Variants in ZBTB1 observed in about 807,000 individuals in gnomAD.
The protein encoded by ZBTB1 is zinc finger and BTB domain-containing protein 1.
In ZBTB1, 13 loss-of-function variants were observed where a neutral mutation model predicts 51.6. That is an observed-to-expected ratio of 0.25 (90% CI 0.16 to 0.40). The LOEUF (loss-of-function observed/expected upper bound fraction) is 0.40, where lower values mean the gene tolerates loss of function less well. ZBTB1 is among the 10% of genes least tolerant of loss of function. The probability of loss-of-function intolerance (pLI) is 1.00; values close to 1 mark genes in which losing one functional copy is unlikely to be tolerated. For missense variants in ZBTB1, 567 were observed against 856.5 expected (o/e 0.66, Z 4.22); for synonymous variants, 240 against 282.2 (o/e 0.85, Z 1.50).
intron 1 of ZBTB1, among the ~76,000 whole-genome samples, chr14:64,515,332 C>A (rs1402168778): frequency 2.0e-5 from 3 of 151,982 alleles, no homozygotes; most frequent in Non-Finnish European, 4.4e-5. Context: ...AGATTTCAGT[C>A]GTAAAAACAA....
intron 1 of ZBTB1, among the ~76,000 whole-genome samples, chr14:64,508,387 T>C (rs2079689151): frequency 6.6e-6 from 1 of 152,050 alleles, no homozygotes; most frequent in Non-Finnish European, 1.5e-5. Context: ...AGTTAGCAGA[T>C]GGAAGGGGAT....
At chr14:64,530,550 T>A (rs1476855633) in intron 2 of ZBTB1, among the ~76,000 whole-genome samples, 3 of 151,740 alleles carry the variant, frequency 2.0e-5, no homozygotes, top group African/African-American at 7.3e-5. Flanking sequence ...GAGGTTGCAC[T>A]GAGCTGATAT....
chr14:64,532,051 C>A, exon 3 of ZBTB1: 2 of 784,294 alleles, frequency 2.6e-6, no homozygotes, highest in Non-Finnish European at 2.0e-6. Flanking sequence ...TGCAAAGATC[C>A]AAGAAAACTC....
intron 1 of ZBTB1, among the ~76,000 whole-genome samples, chr14:64,519,668 C>T (rs1267294717): frequency 6.6e-6 from 1 of 150,590 alleles, no homozygotes; most frequent in Non-Finnish European, 1.5e-5. Flanking sequence ...GTCCCAGCTA[C>T]TCTGGATGCT....
At chr14:64,509,493 G>C (rs916190564) in intron 1 of ZBTB1, among the ~76,000 whole-genome samples, 4 of 152,202 alleles carry the variant, frequency 2.6e-5, no homozygotes, top group Admixed American at 2.6e-4. Context: ...TTTGGGATCG[G>C]GGGAATCTTA....
chr14:64,530,808 G>A (rs1449460432), intron 2 of ZBTB1, among the ~76,000 whole-genome samples: 1 of 152,124 alleles, frequency 6.6e-6, no homozygotes, highest in Non-Finnish European at 1.5e-5. Context: ...CTAAGGGACA[G>A]AAAGCCATTA....
chr14:64,530,993 A>G (rs1329862982), intron 2 of ZBTB1, among the ~76,000 whole-genome samples: 1 of 152,214 alleles, frequency 6.6e-6, no homozygotes, highest in Admixed American at 6.5e-5. Flanking sequence ...ATTTCATATC[A>G]GAGTCAGGGA....
chr14:64,518,904 G>GTATATATATATATA (rs71123855), intron 1 of ZBTB1, among the ~76,000 whole-genome samples: 1,088 of 94,986 alleles, frequency 0.011, 33 homozygotes, highest in East Asian at 0.013. Context: ...TTGCAGAGAG[G>GTATATATATATATA]TATATATATA....
At chr14:64,530,981 T>C (rs2079938038) in intron 2 of ZBTB1, among the ~76,000 whole-genome samples, 1 of 152,198 alleles carries the variant, frequency 6.6e-6, no homozygotes. Flanking sequence ...ATTTAAAAGA[T>C]TATTTCATAT....
chr14:64,529,278 T>C (rs2079926034), downstream of ZBTB1, among the ~76,000 whole-genome samples: 1 of 152,244 alleles, frequency 6.6e-6, no homozygotes, highest in Non-Finnish European at 1.5e-5. Context: ...TCTATGTCTG[T>C]GACCTTTTCT....
Position 64,523,162 on chromosome 14 carries a change from T to G in ZBTB1, c.1658T>G (p.Met553Arg), listed in dbSNP as rs576257403. 1 of 1,614,208 alleles carries G rather than the reference T, an allele frequency of 6.2e-7. No homozygotes were observed. Among genetic ancestry groups the G allele is most frequent in the East Asian group, 2.2e-5 (1 of 44,890 alleles). Residue 553 changes from methionine (M) to arginine (R), a missense_variant, in exon 2 of 2, where the codon ATG becomes AGG. This residue lies in a region of ZBTB1 where 329 missense variants were observed against 406.3 expected (regional missense o/e 0.81). Coordinates refer to ENST00000683701, the MANE Select transcript of ZBTB1 (RefSeq NM_001123329.2). The surrounding 1 kb of genome is among the most constrained non-coding windows in gnomAD (Gnocchi z 4.5). ...FETENLVVEHMSSCLDQDMFK... is the reference protein window; with the variant it reads ...FETENLVVEHRSSCLDQDMFK... ...ACTGAAAATCTAGTGGTTGAACATA[T>G]GTCTAGCTGCTTAGATCAAGATATG...
intron 1 of ZBTB1, among the ~76,000 whole-genome samples, chr14:64,518,942 A>G (rs895685324): frequency 7.3e-6 from 1 of 137,004 alleles, no homozygotes; most frequent in South Asian, 2.4e-4. Flanking sequence ...ATATAGTATG[A>G]TACCATTTAG....
At chr14:64,533,148 T>C (rs886486517) in exon 3 of ZBTB1, 3 of 152,146 alleles carry the variant, frequency 2.0e-5, no homozygotes, top group African/African-American at 7.2e-5. Context: ...ATATTCATTC[T>C]AATAATTAGA....
At chr14:64,512,677 C>G (rs2079737580) in intron 1 of ZBTB1, among the ~76,000 whole-genome samples, 1 of 152,180 alleles carries the variant, frequency 6.6e-6, no homozygotes, top group African/African-American at 2.4e-5. Flanking sequence ...GAGTCTAATG[C>G]ACAGCCACCA....
chr14:64,517,781 ATTTTTT>A (rs10590459), intron 1 of ZBTB1, among the ~76,000 whole-genome samples: 42 of 41,548 alleles, frequency 1.0e-3, no homozygotes, highest in African/African-American at 2.8e-3. Context: ...ATATATATAT[ATTTTTT>A]TTTTTTTTTT....
At chr14:64,506,126 T>C (rs1273567708) in intron 1 of ZBTB1, among the ~76,000 whole-genome samples, 1 of 152,220 alleles carries the variant, frequency 6.6e-6, no homozygotes, top group Non-Finnish European at 1.5e-5. Context: ...CTGGCCAACA[T>C]TTGCTCAGAA....
intron 1 of ZBTB1, among the ~76,000 whole-genome samples, chr14:64,509,841 G>T (rs1183544349): frequency 1.3e-5 from 2 of 152,016 alleles, no homozygotes; most frequent in African/African-American, 4.8e-5. Context: ...GCCGGGCGTG[G>T]TGGTGGGCGC....
chr14:64,516,339 A>G (rs984399428), intron 1 of ZBTB1, among the ~76,000 whole-genome samples: 3 of 152,360 alleles, frequency 2.0e-5, no homozygotes, highest in Non-Finnish European at 4.4e-5. Context: ...TAATGTGTCA[A>G]TGATTGCTAT....
intron 1 of ZBTB1, among the ~76,000 whole-genome samples, chr14:64,517,325 G>A (rs565329666): frequency 6.6e-6 from 1 of 152,116 alleles, no homozygotes; most frequent in African/African-American, 2.4e-5. Flanking sequence ...AAGAAGCCAG[G>A]TCTGTCTGAT....
Sources: gnomAD v4.1 joint callset for allele counts (sites outside exome capture counted in the v4.1 genomes callset) on GRCh38, gnomAD v4.1.1 for gene constraint, gnomAD v4.1.1 regional missense constraint, Gnocchi (gnomAD v3.1) non-coding constraint, MANE v1.5 for transcripts, NCBI Gene and HGNC (gene_info 2026-07-23, HGNC 2026-07-21) for gene names.